The following RHOJ variants were observed in gnomAD, a reference collection of about 807,000 sequenced individuals.
RHOJ encodes the protein rho-related GTP-binding protein RhoJ.
In RHOJ, 11 loss-of-function variants were observed where a neutral mutation model predicts 23.4. That is an observed-to-expected ratio of 0.47 (90% confidence interval 0.30 to 0.78). The LOEUF (loss-of-function observed/expected upper bound fraction) is 0.78. RHOJ is among the 30% of genes least tolerant of loss of function. RHOJ has a pLI of 0.08. For missense variants in RHOJ, 254 were observed against 273.4 expected (o/e 0.93, Z 0.50); for synonymous variants, 102 against 102.7 (o/e 0.99, Z 0.04).
intron 1 of RHOJ, among the ~76,000 whole-genome samples, chr14:63,231,193 C>T (rs571175942): frequency 6.6e-6 from 1 of 152,266 alleles, no homozygotes; most frequent in East Asian, 1.9e-4. Context: ...CTGGCCGAGA[C>T]TTTCACTTTT....
chr14:63,255,867 A>G (rs1285420415), intron 1 of RHOJ, among the ~76,000 whole-genome samples: 1 of 146,798 alleles, frequency 6.8e-6, no homozygotes, highest in African/African-American at 2.5e-5. Context: ...TTTTTTTTTT[A>G]CCTTTTTTAA....
intron 1 of RHOJ, among the ~76,000 whole-genome samples, chr14:63,235,168 C>T (rs961724943): frequency 2.0e-5 from 3 of 150,608 alleles, no homozygotes; most frequent in African/African-American, 2.4e-5. Flanking sequence ...ATTACTGGTC[C>T]GGGATGTGAT....
At chr14:63,273,223 G>A (rs1490725845) in intron 2 of RHOJ, among the ~76,000 whole-genome samples, 3 of 152,196 alleles carry the variant, frequency 2.0e-5, no homozygotes, top group Non-Finnish European at 4.4e-5. Flanking sequence ...ATTAGGCAAT[G>A]AATTGAGGAA....
rs762598264 is a variant in RHOJ at position 63,290,943 on chromosome 14, T to A, written c.564T>A (p.Asp188Glu). The A allele has an allele frequency of 1.2e-6, 2 of 1,614,150 alleles. No homozygotes were observed. The highest frequency in any genetic ancestry group is 1.7e-6 in the Non-Finnish European group (2 of 1,180,024). ...AGAAAGGTCTCAAAGCGGTTTTTGA[T>A]GAAGCAATCCTCACCATTTTCCACC... is the stretch of plus-strand genomic sequence containing the variant. Reference protein sequence around the residue: ...LTQKGLKAVFDEAILTIFHPK... With the variant: ...LTQKGLKAVFEEAILTIFHPK... Residue 188 changes from aspartate to glutamate, a missense_variant, in exon 5 of 5, where the codon GAT becomes GAA. Physicochemically the swap from Asp to Glu is conservative, Grantham distance 45. Coordinates refer to ENST00000316754, the MANE Select transcript of RHOJ (RefSeq NM_020663.5).
At chr14:63,230,722 C>T (rs1894676735) in intron 1 of RHOJ, among the ~76,000 whole-genome samples, 2 of 150,748 alleles carry the variant, frequency 1.3e-5, no homozygotes, top group African/African-American at 4.9e-5. Context: ...CACACACATA[C>T]ACACTTCTTT....
intron 1 of RHOJ, among the ~76,000 whole-genome samples, chr14:63,237,574 T>C (rs1314357111): frequency 6.6e-6 from 1 of 152,184 alleles, no homozygotes; most frequent in African/African-American, 2.4e-5. Flanking sequence ...CTGTTAGCCA[T>C]GACTCAAAAA....
chr14:63,207,414 C>T (rs17100865), intron 1 of RHOJ, among the ~76,000 whole-genome samples: 24,807 of 152,134 alleles, frequency 0.16, 2,835 homozygotes, highest in African/African-American at 0.33. Context: ...TGGTATATGA[C>T]CTGGTTGAAC....
intron 1 of RHOJ, among the ~76,000 whole-genome samples, chr14:63,239,300 C>G (rs564839459): frequency 6.6e-6 from 1 of 151,990 alleles, no homozygotes; most frequent in African/African-American, 2.4e-5. Context: ...TTAATAGAGA[C>G]GGGGTTTCGC....
Position 63,228,676 on chromosome 14 carries a change from A to G in RHOJ, c.178+23629A>G, listed in dbSNP as rs76618006. 5.4e-3 allele frequency among the ~76,000 whole-genome samples: 821 copies of G among 152,298 alleles called. 26 individuals carry two copies. The East Asian group carries it at 0.11, about 20-fold the overall frequency. On this transcript the variant is annotated intron_variant, in intron 1 of 4. Coordinates refer to ENST00000316754, the MANE Select transcript of RHOJ (RefSeq NM_020663.5). Reference sequence around the variant, plus strand: ...GAATAGAAACACAATTGCAATGCACACACACTTTAAAAATCCGAAGAATAA... The same window carrying G: ...GAATAGAAACACAATTGCAATGCACGCACACTTTAAAAATCCGAAGAATAA...
Position 63,204,573 on chromosome 14 carries a change from T to G in RHOJ, c.-297T>G, listed in dbSNP as rs751234076. ...AGTAAAACCCTCAGGCTGCTGAAAT[T>G]TCTAGGCTGTTAGGAAGCCCCTCGA... On this transcript the variant is annotated 5_prime_UTR_variant, in exon 1 of 5. It adds an upstream start codon to the 5' untranslated region. Coordinates refer to ENST00000316754, the MANE Select transcript of RHOJ (RefSeq NM_020663.5). 2 of 415,130 alleles carry G rather than the reference T, an allele frequency of 4.8e-6. No homozygotes were observed. Among genetic ancestry groups the G allele is most frequent in the Non-Finnish European group, 8.7e-6 (2 of 230,134 alleles). The allele number at this position is 415,130 out of a possible 1,614,324, so 25.7% of individuals were successfully genotyped here. A position where few individuals can be genotyped will look rare whatever the true frequency, so the allele number is the denominator to read the frequency against.
intron 1 of RHOJ, among the ~76,000 whole-genome samples, chr14:63,242,892 T>C (rs1447454899): frequency 6.6e-6 from 1 of 152,166 alleles, no homozygotes; most frequent in East Asian, 1.9e-4. Context: ...TTTATATAAA[T>C]GAAAAACTGG....
intron 1 of RHOJ, among the ~76,000 whole-genome samples, chr14:63,237,171 A>T (rs936695389): frequency 6.6e-6 from 1 of 152,178 alleles, no homozygotes; most frequent in African/African-American, 2.4e-5. Context: ...ACAAAAGAAG[A>T]TGTTTCATGA....
intron 1 of RHOJ, among the ~76,000 whole-genome samples, chr14:63,227,850 G>A (rs1041678528): frequency 8.5e-5 from 13 of 152,224 alleles, no homozygotes; most frequent in East Asian, 5.8e-4. Flanking sequence ...TGAAGATTAC[G>A]TTTCAGAGCC....
chr14:63,280,093 G>A (rs1468503794), intron 2 of RHOJ, among the ~76,000 whole-genome samples: 3 of 152,066 alleles, frequency 2.0e-5, no homozygotes, highest in Non-Finnish European at 2.9e-5. Context: ...GCATGATCAC[G>A]GCTCACTGCA....
At chr14:63,259,893 T>A (rs796822550) in intron 1 of RHOJ, among the ~76,000 whole-genome samples, 5 of 152,042 alleles carry the variant, frequency 3.3e-5, no homozygotes, top group Non-Finnish European at 7.4e-5. Flanking sequence ...AAACCACAAA[T>A]ACATAAAATT....
At chr14:63,283,858 G>A (rs1045689968) in intron 4 of RHOJ, among the ~76,000 whole-genome samples, 1 of 152,190 alleles carries the variant, frequency 6.6e-6, no homozygotes, top group Non-Finnish European at 1.5e-5. Context: ...TTAAGAAAAT[G>A]CTTTAGAAAG....
intron 1 of RHOJ, among the ~76,000 whole-genome samples, chr14:63,210,961 C>T (rs542270955): frequency 6.6e-6 from 1 of 152,238 alleles, no homozygotes; most frequent in South Asian, 2.1e-4. Context: ...CACATGAAGC[C>T]ACTATTTGCA....
chr14:63,205,582 G>A (rs1428822169), intron 1 of RHOJ, among the ~76,000 whole-genome samples: 1 of 152,146 alleles, frequency 6.6e-6, no homozygotes, highest in East Asian at 1.9e-4. Context: ...TTGTAGATTG[G>A]GGGAGAGTTT....
At chr14:63,208,306 T>C (rs546839841) in intron 1 of RHOJ, among the ~76,000 whole-genome samples, 3 of 152,354 alleles carry the variant, frequency 2.0e-5, no homozygotes, top group Non-Finnish European at 4.4e-5. Context: ...TCCATGTAGC[T>C]TTCCTTGACT....
Sources: gnomAD v4.1 joint callset for allele counts (sites outside exome capture counted in the v4.1 genomes callset) on GRCh38, gnomAD v4.1.1 for gene constraint, MANE v1.5 for transcripts, NCBI Gene and HGNC (gene_info 2026-07-23, HGNC 2026-07-21) for gene names.